The following ZMYM2 variants were observed in gnomAD, a reference collection of about 807,000 sequenced individuals.
ZMYM2 encodes the protein zinc finger MYM-type protein 2.
In ZMYM2, 56 loss-of-function variants were observed where a neutral mutation model predicts 162.8. That is an observed-to-expected ratio of 0.34 (90% CI 0.28 to 0.43). The LOEUF (loss-of-function observed/expected upper bound fraction) is 0.43. Among genes scored for constraint, ZMYM2 ranks in the 20% least tolerant of loss-of-function variants. The probability of loss-of-function intolerance (pLI) is 1.00; values close to 1 mark genes in which losing one functional copy is unlikely to be tolerated. For synonymous variants in ZMYM2, 510 were observed against 541.6 expected, an observed-to-expected ratio of 0.94 and a Z score of 0.81; for missense variants, 1,275 against 1,621.8, an observed-to-expected ratio of 0.79 and a Z score of 3.67.
the ZMYM2 span, among the ~76,000 whole-genome samples, chr13:19,923,229 C>G: frequency 6.9e-6 from 1 of 145,542 alleles, no homozygotes; most frequent in Non-Finnish European, 1.5e-5. Context: ...TGATGGCGGG[C>G]GCCTGTAGTC....
In ZMYM2 at chr13:20,086,035, A is replaced by T; in HGVS notation, c.*21A>T. 6.2e-7 allele frequency: 1 copy of T among 1,608,976 alleles called. No individual in the cohort carries two copies. ...ACTAAAAAGGAACGTTGCAGAAGCA[A>T]TCGGGATAAAACAGCATTAGATAGT... On this transcript the variant is annotated 3_prime_UTR_variant, in exon 25 of 25. Coordinates refer to ENST00000610343, the MANE Select transcript of ZMYM2 (RefSeq NM_197968.4).
At chr13:20,047,545 A>G (rs1038822814) in intron 12 of ZMYM2, among the ~76,000 whole-genome samples, 9 of 152,208 alleles carry the variant, frequency 5.9e-5, no homozygotes, top group African/African-American at 2.2e-4. Context: ...ATGTTTAGCC[A>G]TGAACATTTC....
the ZMYM2 span, among the ~76,000 whole-genome samples, chr13:19,909,574 A>T: frequency 2.9e-3 from 447 of 152,002 alleles, 1 homozygote; most frequent in Non-Finnish European, 5.3e-3. Context: ...CCAGGATTAC[A>T]GGCACGTGAC....
chr13:20,006,460 A>G lies in ZMYM2; in HGVS notation c.1386A>G (p.Leu462=). Residue 462 remains leucine (L), a synonymous_variant, in exon 6 of 25, where the codon TTA becomes TTG. Coordinates refer to ENST00000610343, the MANE Select transcript of ZMYM2 (RefSeq NM_197968.4). The stretch of plus-strand genomic sequence containing the variant: ...ATAGATATAGAATGGCCAATGGTTT[A>G]ATAATGAATTGCTGTGAACAGTGTG... ...CFNRYRMANG[L]IMNCCEQCGE... 6.2e-7 allele frequency: 1 copy of G among 1,612,854 alleles called. No homozygotes were observed.
intron 12 of ZMYM2, among the ~76,000 whole-genome samples, chr13:20,039,959 CT>C (rs1954091450): frequency 6.6e-6 from 1 of 152,092 alleles, no homozygotes; most frequent in Non-Finnish European, 1.5e-5. Flanking sequence ...GTGAATAAGC[CT>C]TTTCGATGTG....
chr13:20,076,784 G>A (rs1352362847), intron 21 of ZMYM2, among the ~76,000 whole-genome samples: 1 of 150,232 alleles, frequency 6.7e-6, no homozygotes, highest in Admixed American at 6.6e-5. Flanking sequence ...ATACATAGAG[G>A]ATTTCTAAGC....
the ZMYM2 span, among the ~76,000 whole-genome samples, chr13:19,883,371 A>G: frequency 3.0e-4 from 45 of 152,378 alleles, 1 homozygote; most frequent in South Asian, 7.2e-3. Context: ...ACTGAATTGT[A>G]CAACTTAGAA....
chr13:20,072,425 G>A (rs1957156210), intron 21 of ZMYM2, among the ~76,000 whole-genome samples: 1 of 152,198 alleles, frequency 6.6e-6, no homozygotes, highest in Non-Finnish European at 1.5e-5. Flanking sequence ...GGAGGCTGAG[G>A]CTGGAGAATT....
intron 17 of ZMYM2, among the ~76,000 whole-genome samples, chr13:20,062,359 A>C (rs1340967067): frequency 6.6e-6 from 1 of 152,248 alleles, no homozygotes; most frequent in Admixed American, 6.5e-5. Context: ...TATGTGCTGG[A>C]TAAAATGCAT....
At chr13:20,048,432 T>TA (rs1451210770) in intron 12 of ZMYM2, among the ~76,000 whole-genome samples, 1 of 151,852 alleles carries the variant, frequency 6.6e-6, no homozygotes, top group Non-Finnish European at 1.5e-5. Flanking sequence ...CATTCTTTTT[T>TA]AAAAAAAATT....
the ZMYM2 span, among the ~76,000 whole-genome samples, chr13:19,899,933 A>G: frequency 6.6e-6 from 1 of 152,112 alleles, no homozygotes; most frequent in African/African-American, 2.4e-5. Flanking sequence ...CTCTGAAAAA[A>G]AAAGAAGACT....
chr13:19,912,995 T>C, the ZMYM2 span, among the ~76,000 whole-genome samples: 1 of 152,116 alleles, frequency 6.6e-6, no homozygotes, highest in East Asian at 1.9e-4. Context: ...ATTAGTCAAG[T>C]GAACAAAAAA....
chr13:19,976,963 A>T (rs1956850589), intron 2 of ZMYM2, among the ~76,000 whole-genome samples: 4 of 152,070 alleles, frequency 2.6e-5, no homozygotes, highest in African/African-American at 9.7e-5. Flanking sequence ...CTTAGTTGTT[A>T]AGTATCTGTA....
intron 6 of ZMYM2, among the ~76,000 whole-genome samples, chr13:20,015,492 A>G (rs1238290004): frequency 6.6e-6 from 1 of 152,124 alleles, no homozygotes; most frequent in African/African-American, 2.4e-5. Context: ...TTGTTGTTCA[A>G]GATTTGTCTT....
chr13:19,873,380 T>TTTTTA, the ZMYM2 span, among the ~76,000 whole-genome samples: 1 of 136,872 alleles, frequency 7.3e-6, no homozygotes, highest in Non-Finnish European at 1.6e-5. Context: ...ACAGAGTCAA[T>TTTTTA]TTTATTTATT....
At position 20,082,762 on chromosome 13, in the gene ZMYM2, A is replaced by G. The variant is rs1279938413; in HGVS notation, c.3569-19A>G. 6 of 1,507,940 alleles carry G rather than the reference A, an allele frequency of 4.0e-6. No homozygotes were observed. The highest frequency in any genetic ancestry group is 5.3e-6 in the Non-Finnish European group (6 of 1,127,798). The allele number at this position is 1,507,940 out of a possible 1,614,324, so 93.4% of individuals were successfully genotyped here. ...TTTTATTTATTATAATTCTTTTAAA[A>G]TAGTTCTCTCTATTTAAGGGTCAAT... On this transcript the variant is annotated intron_variant, in intron 22 of 24. Coordinates refer to ENST00000610343, the MANE Select transcript of ZMYM2 (RefSeq NM_197968.4).
intron 18 of ZMYM2, among the ~76,000 whole-genome samples, chr13:20,064,031 A>G (rs983887053): frequency 1.0e-4 from 15 of 149,934 alleles, no homozygotes; most frequent in African/African-American, 3.7e-4. Context: ...GGTCTTTTGT[A>G]AAATAAGTGT....
At chr13:19,978,836 ATTTC>A (rs1426321925) in intron 2 of ZMYM2, among the ~76,000 whole-genome samples, 1 of 151,934 alleles carries the variant, frequency 6.6e-6, no homozygotes, top group African/African-American at 2.4e-5. Flanking sequence ...CATATGCTTT[ATTTC>A]TTCTTACCAT....
At chr13:19,957,326 C>T (rs576106014), upstream of ZMYM2, among the ~76,000 whole-genome samples, 1 of 152,110 alleles carries the variant, frequency 6.6e-6, no homozygotes, top group African/African-American at 2.4e-5. Flanking sequence ...GCAATGGTGT[C>T]AGATAATCGT....
Sources: allele counts gnomAD v4.1 joint callset (sites outside exome capture counted in the v4.1 genomes callset), GRCh38; gene constraint gnomAD v4.1.1; transcripts MANE v1.5; gene names NCBI Gene and HGNC (gene_info 2026-07-23, HGNC 2026-07-21).